PXK: variants seen among roughly 807,000 people sequenced by gnomAD.
The protein encoded by PXK is PX domain containing serine/threonine kinase like.
A neutral mutation model predicts 84.7 loss-of-function variants in PXK; 35 were observed. The ratio of observed to expected loss-of-function variants is 0.41; its 90% CI spans 0.32 to 0.55. The LOEUF is 0.55. Ranked by LOEUF, PXK falls within the 20% of genes least tolerant of loss-of-function variation. The pLI is 0.21. For synonymous variants in PXK, 253 were observed against 260.8 expected (o/e 0.97, Z 0.29); for missense variants, 634 against 699.7 (o/e 0.91, Z 1.06).
At chr3:58,341,820 C>T (rs771109797) in intron 1 of PXK, among the ~76,000 whole-genome samples, 8 of 151,910 alleles carry the variant, frequency 5.3e-5, no homozygotes, top group Non-Finnish European at 1.0e-4. Flanking sequence ...TCTTCTGCCT[C>T]AGCCTCCTGC....
At chr3:58,381,465 G>T (rs1325071855) in intron 3 of PXK, among the ~76,000 whole-genome samples, 2 of 147,156 alleles carry the variant, frequency 1.4e-5, no homozygotes, top group African/African-American at 5.0e-5. Context: ...ACTCTGGAAG[G>T]TACCCTTCAA....
Position 58,391,157 on chromosome 3 carries a change from A to G in PXK, c.477A>G (p.Ile159Met). Residue 159 changes from isoleucine to methionine, a missense_variant, in exon 6 of 18, where the codon ATA becomes ATG. Physicochemically the swap from Ile to Met is conservative, Grantham distance 10. Coordinates refer to ENST00000356151, the MANE Select transcript of PXK (RefSeq NM_017771.5). ...VEPLKDIGWRIRKKYFLMKIK... is the reference protein window; with the variant it reads ...VEPLKDIGWRMRKKYFLMKIK... ...TTGCTTTTATGGCAGGTTGGAGAAT[A>G]AGGAAGAAATATTTCTTGATGAAGA... 6.2e-7 allele frequency: 1 copy of G among 1,613,240 alleles called. No homozygotes were observed. Among genetic ancestry groups the G allele is most frequent in the East Asian group, 2.2e-5 (1 of 44,814 alleles).
rs79632611 is a variant in PXK, at chr3:58,333,765, A to G, written c.102+675A>G. On this transcript the variant is annotated intron_variant, in intron 1 of 17. Coordinates refer to ENST00000356151, the MANE Select transcript of PXK (RefSeq NM_017771.5). This position sits in a 1 kb window ranked among gnomAD's most constrained non-coding sequence, Gnocchi z 5.4. ...ATTTGAGTTTAAAATCCACTCGAGT[A>G]GCATAAAGGAGTAATAGGTCCTCAT... 1,622 of 395,700 alleles carry G rather than the reference A, an allele frequency of 4.1e-3. 27 individuals carry two copies. Among genetic ancestry groups the G allele is most frequent in the African/African-American group, 0.031 (1,503 of 48,588 alleles). 24.5% of individuals were successfully genotyped at this position (395,700 alleles called of 1,614,324 possible).
Position 58,399,392 on chromosome 3 carries a change from T to A in PXK, c.1181+15T>A. The A allele has an allele frequency of 6.2e-7, 1 of 1,601,596 alleles. No individual in the cohort carries two copies. The highest frequency in any genetic ancestry group is 8.6e-7 in the Non-Finnish European group (1 of 1,168,792). ...TTACAGATGCCGTAAGTCAATCATA[T>A]GCGTTGGTTGTAATCTTGATAACTA... On this transcript the variant is annotated intron_variant, in intron 12 of 17. Transcript: ENST00000356151. This position sits in a 1 kb window ranked among gnomAD's most constrained non-coding sequence, Gnocchi z 4.3.
At chr3:58,384,428 C>G (rs1232920194) in intron 4 of PXK, among the ~76,000 whole-genome samples, 1 of 152,218 alleles carries the variant, frequency 6.6e-6, no homozygotes, top group Non-Finnish European at 1.5e-5. Context: ...CTCACACTTA[C>G]TGTAAGTTAC....
rs1253410654 is a variant in PXK, at chr3:58,403,996, A to G, written c.1230+86A>G. ...CTGTATTTTTAGCCAAAAAAAGAAA[A>G]GATATATAATAGGGAAAATTGGGAA... On this transcript the variant is annotated intron_variant, in intron 13 of 17. Transcript: ENST00000356151. The G allele has an allele frequency of 4.2e-6, 4 of 953,774 alleles. No individual in the cohort carries two copies. The African/African-American group carries it at 5.0e-5, about 12-fold the overall frequency. The allele number at this position is 953,774 out of a possible 1,614,324, so 59.1% of individuals were successfully genotyped here.
At position 58,403,344 on chromosome 3, in the gene PXK, A is replaced by G. The variant is rs181364869; in HGVS notation, c.1182-518A>G. Among the ~76,000 whole-genome samples the G allele has an allele frequency of 1.6e-4, 25 of 152,258 alleles. No homozygotes were observed. In the East Asian group the frequency reaches 4.8e-3, roughly 29 times the overall value. On this transcript the variant is annotated intron_variant, in intron 12 of 17. Transcript: ENST00000356151. ...TGAAGAGAGAATTGATTTACTCCAA[A>G]AGCTACTACTTTTAAAAATGAAGTA... is the stretch of plus-strand genomic sequence containing the variant.
chr3:58,403,500 A>G (rs186625065), intron 12 of PXK, among the ~76,000 whole-genome samples: 16 of 152,254 alleles, frequency 1.1e-4, no homozygotes, highest in African/African-American at 3.6e-4. Context: ...CAAGAAAAAT[A>G]GCAGAAAACT....
At position 58,364,072 on chromosome 3, in the gene PXK, T is replaced by G. The variant is rs1223911007; in HGVS notation, c.103-1802T>G. On this transcript the variant is annotated intron_variant, in intron 1 of 17. Coordinates refer to ENST00000356151, the MANE Select transcript of PXK (RefSeq NM_017771.5). This position sits in a 1 kb window ranked among gnomAD's most constrained non-coding sequence, Gnocchi z 4.3. The stretch of plus-strand genomic sequence containing the variant: ...TTCTGAATGGTGAACCAGCCTTGAG[T>G]CCCTAGAATGAGACCCACTTGGTCA... 6.6e-6 allele frequency among the ~76,000 whole-genome samples: 1 copy of G among 152,160 alleles called. No homozygotes were observed. The highest frequency in any genetic ancestry group is 1.9e-4 in the East Asian group (1 of 5,204).
chr3:58,388,864 A>G (rs1399303079), intron 4 of PXK, among the ~76,000 whole-genome samples: 1 of 152,040 alleles, frequency 6.6e-6, no homozygotes, highest in Non-Finnish European at 1.5e-5. Flanking sequence ...ACATATGGAG[A>G]GCATTTCTAC....
rs1180494315 is a variant in PXK, at chr3:58,333,993, A to T, written c.102+903A>T. Among the ~76,000 whole-genome samples the T allele has an allele frequency of 2.0e-5, 3 of 152,072 alleles. No homozygotes were observed. Among genetic ancestry groups the T allele is most frequent in the Admixed American group, 1.3e-4 (2 of 15,266 alleles). ...GACTTTTTTGGAAAAGTAATGAGTG[A>T]GGAGAGAGATTCCTTCAATTGTGAT... On this transcript the variant is annotated intron_variant, in intron 1 of 17. Coordinates refer to ENST00000356151, the MANE Select transcript of PXK (RefSeq NM_017771.5). The surrounding 1 kb of genome is among the most constrained non-coding windows in gnomAD (Gnocchi z 5.4).
rs1335368247 is a variant in PXK, at chr3:58,370,165, C to T, written c.201+687C>T. Reference sequence around the variant, plus strand: ...TGAACTAGGCTACATATCAGCTCTGCGGATCAACATGCAGCAGTAACTGAG... The same window carrying T: ...TGAACTAGGCTACATATCAGCTCTGTGGATCAACATGCAGCAGTAACTGAG... On this transcript the variant is annotated intron_variant, in intron 3 of 17. Transcript: ENST00000356151. The surrounding 1 kb of genome is among the most constrained non-coding windows in gnomAD (Gnocchi z 4.2). Among the ~76,000 whole-genome samples, 2 of 152,176 alleles carry T rather than the reference C, an allele frequency of 1.3e-5. No individual in the cohort carries two copies. Among genetic ancestry groups the T allele is most frequent in the Non-Finnish European group, 2.9e-5 (2 of 68,034 alleles).
chr3:58,369,391 G>A (rs753780335), intron 2 of PXK, 40 bp from the exon 3 acceptor site: 2 of 1,499,338 alleles, frequency 1.3e-6, no homozygotes, highest in Non-Finnish European at 1.9e-6. Context: ...AAAAGAGATA[G>A]TCTTTGCTGA....
chr3:58,372,297 T>C (rs2098384636), intron 3 of PXK, among the ~76,000 whole-genome samples: 1 of 152,106 alleles, frequency 6.6e-6, no homozygotes, highest in Non-Finnish European at 1.5e-5. Flanking sequence ...ATGTAGGCTA[T>C]CTAAGTGGAA....
chr3:58,394,349 C>T (rs1025278573), intron 7 of PXK, among the ~76,000 whole-genome samples: 1 of 152,196 alleles, frequency 6.6e-6, no homozygotes, highest in Admixed American at 6.5e-5. Context: ...TTTGTCTTTT[C>T]TCCACCCCAG....
intron 3 of PXK, among the ~76,000 whole-genome samples, chr3:58,373,239 C>T (rs567661682): frequency 6.6e-6 from 1 of 152,082 alleles, no homozygotes; most frequent in South Asian, 2.1e-4. Flanking sequence ...CCACCATGCC[C>T]GGCTAATTTT....
At chr3:58,369,562 A>G (rs374913766) in intron 3 of PXK, 84 bp downstream of exon 3, 22 of 1,089,226 alleles carry the variant, frequency 2.0e-5, no homozygotes, top group East Asian at 1.4e-4. Flanking sequence ...CGGTGGCTCA[A>G]CGCCTGTAAT....
chr3:58,395,686 A>T lies in PXK; in HGVS notation c.749A>T (p.Lys250Met). Residue 250 changes from lysine to methionine, a missense_variant, in exon 9 of 18, where the codon AAG becomes ATG. Lys to Met is a moderately conservative substitution (Grantham distance 95). Coordinates refer to ENST00000356151, the MANE Select transcript of PXK (RefSeq NM_017771.5). ...KAKPKDPFLKKYCNPKKIQGL... is the reference protein window; with the variant it reads ...KAKPKDPFLKMYCNPKKIQGL... ...AAACCAAAAGACCCATTTCTAAAGA[A>T]GTACTGCAACCCTAAGAAGATTCAG... 1 of 1,613,728 alleles carries T rather than the reference A, an allele frequency of 6.2e-7. No individual in the cohort carries two copies. The highest frequency in any genetic ancestry group is 1.1e-5 in the South Asian group (1 of 91,006).
chr3:58,378,050 C>A (rs551404926), intron 3 of PXK, among the ~76,000 whole-genome samples: 6 of 152,302 alleles, frequency 3.9e-5, no homozygotes, highest in African/African-American at 1.4e-4. Flanking sequence ...GCCCTCCTCC[C>A]TCTAGCAAAA....
Sources: allele counts gnomAD v4.1 joint callset (sites outside exome capture counted in the v4.1 genomes callset), GRCh38; gene constraint gnomAD v4.1.1; non-coding constraint Gnocchi (gnomAD v3.1); transcripts MANE v1.5; gene names NCBI Gene and HGNC (gene_info 2026-07-23, HGNC 2026-07-21).